AUTS2: variants seen among roughly 807,000 people sequenced by gnomAD.
AUTS2 encodes autism susceptibility gene 2 protein.
AUTS2 carries 17 observed loss-of-function variants against 112.4 expected under a neutral mutation model. The ratio of observed to expected loss-of-function variants is 0.15; its 90% CI spans 0.10 to 0.23. The LOEUF is 0.23. Ranked by LOEUF, AUTS2 falls within the 10% of genes least tolerant of loss-of-function variation. AUTS2 has a pLI of 1.00. For synonymous variants in AUTS2, 751 were observed against 702.7 expected (o/e 1.07, Z -1.09); for missense variants, 1,510 against 1,701.6 (o/e 0.89, Z 1.98).
chr7:70,079,228 G>A (rs1268157549), intron 2 of AUTS2, among the ~76,000 whole-genome samples: 1 of 152,166 alleles, frequency 6.6e-6, no homozygotes, highest in Non-Finnish European at 1.5e-5. Context: ...CAAAAGGATT[G>A]TACTTTGCTC....
Position 70,237,944 on chromosome 7 carries a change from T to C in AUTS2, c.660+103373T>C, listed in dbSNP as rs891687367. On this transcript the variant is annotated intron_variant, in intron 4 of 18. Transcript: ENST00000342771. ...AACTTGTCACACTTAGTAACTTGAT[T>C]TTTCCCCAGCATGCAGTAACAGCTA... Among the ~76,000 whole-genome samples, 4 of 152,290 alleles carry C rather than the reference T, an allele frequency of 2.6e-5. No individual in the cohort carries two copies. In the South Asian group the frequency reaches 8.3e-4, roughly 32 times the overall value.
At chr7:69,638,075 G>T (rs1794629765) in intron 1 of AUTS2, among the ~76,000 whole-genome samples, 1 of 152,210 alleles carries the variant, frequency 6.6e-6, no homozygotes, top group South Asian at 2.1e-4. Context: ...CTGGAATCCA[G>T]TGGTGCATTC....
At chr7:70,323,817 AAAATGGCTAC>A (rs1206666233) in intron 4 of AUTS2, among the ~76,000 whole-genome samples, 1 of 152,264 alleles carries the variant, frequency 6.6e-6, no homozygotes, top group East Asian at 1.9e-4. Flanking sequence ...CTTCTGAAGA[AAAATGGCTAC>A]ACAGTGTAAT....
chr7:70,219,325 C>T (rs1306914312), intron 4 of AUTS2, among the ~76,000 whole-genome samples: 2 of 152,096 alleles, frequency 1.3e-5, no homozygotes, highest in African/African-American at 4.8e-5. Flanking sequence ...TGCTAGTAAA[C>T]TAATTAGCCA....
chr7:69,981,316 A>G (rs1056198982), intron 2 of AUTS2, among the ~76,000 whole-genome samples: 1 of 152,208 alleles, frequency 6.6e-6, no homozygotes, highest in Non-Finnish European at 1.5e-5. Context: ...GGGTCAGTTA[A>G]AAGAGCATTA....
intron 1 of AUTS2, among the ~76,000 whole-genome samples, chr7:69,674,657 CT>C (rs1279665763): frequency 1.3e-5 from 2 of 152,252 alleles, no homozygotes; most frequent in African/African-American, 4.8e-5. Context: ...GGCTGAGAAT[CT>C]AATCAGTTAT....
chr7:70,285,668 G>T (rs1317437335), intron 4 of AUTS2, among the ~76,000 whole-genome samples: 1 of 151,968 alleles, frequency 6.6e-6, no homozygotes, highest in Admixed American at 6.5e-5. Context: ...CCTTCATCTG[G>T]GTCATACATT....
chr7:70,654,719 G>C (rs1383132460), intron 5 of AUTS2, among the ~76,000 whole-genome samples: 1 of 152,238 alleles, frequency 6.6e-6, no homozygotes, highest in East Asian at 1.9e-4. Flanking sequence ...TGAAAGAAAG[G>C]TGACTACGGT....
chr7:70,277,699 GA>G (rs1168452042), intron 4 of AUTS2, among the ~76,000 whole-genome samples: 2 of 151,942 alleles, frequency 1.3e-5, no homozygotes. Flanking sequence ...AGGCAAAGGA[GA>G]AAAAAAGATA....
intron 4 of AUTS2, among the ~76,000 whole-genome samples, chr7:70,420,919 G>T (rs1448855668): frequency 1.3e-5 from 2 of 152,118 alleles, no homozygotes; most frequent in East Asian, 3.9e-4. Flanking sequence ...TTTTACCAAT[G>T]TCAGTTATAT....
intron 4 of AUTS2, among the ~76,000 whole-genome samples, chr7:70,414,055 G>A (rs144717380): frequency 7.2e-5 from 11 of 152,290 alleles, no homozygotes; most frequent in Admixed American, 6.5e-4. Context: ...TCCTGGATTT[G>A]AATGCTAAGG....
At chr7:70,190,567 G>C (rs1292064718) in intron 4 of AUTS2, among the ~76,000 whole-genome samples, 2 of 152,140 alleles carry the variant, frequency 1.3e-5, no homozygotes, top group Non-Finnish European at 2.9e-5. Context: ...TATCCTCTTT[G>C]AGTAACAGGA....
intron 2 of AUTS2, among the ~76,000 whole-genome samples, chr7:70,096,963 C>T (rs1196578864): frequency 1.3e-5 from 2 of 152,184 alleles, no homozygotes; most frequent in Non-Finnish European, 2.9e-5. Context: ...TGCTATCTTA[C>T]GTTCTCTTTT....
chr7:70,573,856 T>C (rs891769083), intron 5 of AUTS2, among the ~76,000 whole-genome samples: 3 of 152,012 alleles, frequency 2.0e-5, no homozygotes, highest in African/African-American at 7.3e-5. Flanking sequence ...AAAGAATGCA[T>C]TAATTATGTT....
intron 5 of AUTS2, among the ~76,000 whole-genome samples, chr7:70,470,629 A>G (rs1352931645): frequency 6.6e-6 from 1 of 152,166 alleles, no homozygotes; most frequent in Non-Finnish European, 1.5e-5. Context: ...GGGTGCAGTT[A>G]TGTAGAGACT....
At chr7:70,575,669 C>T (rs1802133870) in intron 5 of AUTS2, among the ~76,000 whole-genome samples, 2 of 152,156 alleles carry the variant, frequency 1.3e-5, no homozygotes, top group Admixed American at 1.3e-4. Context: ...GGGAGGATGC[C>T]TGGCAAAGCT....
At chr7:70,080,841 TA>T (rs755173593) in intron 2 of AUTS2, among the ~76,000 whole-genome samples, 2 of 152,134 alleles carry the variant, frequency 1.3e-5, no homozygotes, top group East Asian at 3.9e-4. Flanking sequence ...GTCGAACACT[TA>T]AAGGACAAAG....
chr7:70,614,365 G>A (rs1804245552), intron 5 of AUTS2, among the ~76,000 whole-genome samples: 1 of 152,150 alleles, frequency 6.6e-6, no homozygotes, highest in Non-Finnish European at 1.5e-5. Context: ...CTTGGATGTG[G>A]CAGCTCATGT....
chr7:70,129,449 C>G (rs1252075747), intron 3 of AUTS2, among the ~76,000 whole-genome samples: 1 of 152,132 alleles, frequency 6.6e-6, no homozygotes, highest in Non-Finnish European at 1.5e-5. Flanking sequence ...CACAGAAACA[C>G]CCAGAATCAT....
Sources: allele counts gnomAD v4.1 joint callset (sites outside exome capture counted in the v4.1 genomes callset), GRCh38; gene constraint gnomAD v4.1.1; transcripts MANE v1.5; gene names NCBI Gene and HGNC (gene_info 2026-07-23, HGNC 2026-07-21).